CSMD1: variants seen among roughly 807,000 people sequenced by gnomAD.
The protein encoded by CSMD1 is CUB and sushi domain-containing protein 1.
Under a neutral mutation model 417.5 loss-of-function variants are expected in CSMD1, and 213 were observed. That is an observed-to-expected ratio of 0.51 (90% CI 0.46 to 0.57). The LOEUF is 0.57. Among genes scored for constraint, CSMD1 ranks in the 20% least tolerant of loss-of-function variants. The pLI is 0.00. For synonymous variants in CSMD1, 2,862 were observed against 1,736.8 expected (o/e 1.65, Z -16.11); for missense variants, 6,923 against 4,529.7 (o/e 1.53, Z -15.17).
At chr8:3,623,677 G>C (rs1042974741) in intron 7 of CSMD1, among the ~76,000 whole-genome samples, 4 of 152,056 alleles carry the variant, frequency 2.6e-5, no homozygotes, top group African/African-American at 4.8e-5. Flanking sequence ...CCAGAGTTAA[G>C]AATGAGCTGA....
rs1798964556 is a variant in CSMD1, at chr8:3,552,577, T to A, written c.1344+22368A>T. Reference sequence around the variant, plus strand: ...AACATAAGGTGGGGGGCATTGTGGTTATGCAAATATAAGGTATTTTAAGGA... The same window carrying A: ...AACATAAGGTGGGGGGCATTGTGGTAATGCAAATATAAGGTATTTTAAGGA... On this transcript the variant is annotated intron_variant, in intron 10 of 69. Coordinates refer to ENST00000635120, the MANE Select transcript of CSMD1 (RefSeq NM_033225.6). Among the ~76,000 whole-genome samples, 2 of 152,322 alleles carry A rather than the reference T, an allele frequency of 1.3e-5. 1 individual carries two copies. Among genetic ancestry groups the A allele is most frequent in the South Asian group, 4.1e-4 (2 of 4,832 alleles).
intron 3 of CSMD1, among the ~76,000 whole-genome samples, chr8:4,410,954 G>C (rs916407912): frequency 1.1e-4 from 16 of 152,108 alleles, no homozygotes; most frequent in African/African-American, 3.4e-4. Flanking sequence ...GTGGGACTAG[G>C]TTAGTTATTG....
intron 3 of CSMD1, among the ~76,000 whole-genome samples, chr8:4,408,863 C>G (rs554324541): frequency 1.3e-5 from 2 of 152,124 alleles, no homozygotes; most frequent in East Asian, 1.9e-4. Context: ...AATATACTTA[C>G]GTTTAGAAAC....
intron 1 of CSMD1, among the ~76,000 whole-genome samples, chr8:4,656,156 G>A (rs1002218824): frequency 6.6e-6 from 1 of 152,000 alleles, no homozygotes; most frequent in Non-Finnish European, 1.5e-5. Context: ...AAGGATTAAA[G>A]GGAATGAGGG....
intron 3 of CSMD1, among the ~76,000 whole-genome samples, chr8:4,184,607 A>G (rs1351227808): frequency 1.3e-5 from 2 of 152,108 alleles, no homozygotes; most frequent in African/African-American, 2.4e-5. Flanking sequence ...AAACTAACAC[A>G]GGAAAAAAAA....
chr8:3,889,537 A>C (rs1198127205), intron 5 of CSMD1, among the ~76,000 whole-genome samples: 1 of 106,646 alleles, frequency 9.4e-6, no homozygotes, highest in Non-Finnish European at 2.1e-5. Context: ...ATATACATAC[A>C]CACATATGTG....
chr8:4,943,357 G>A (rs182392875), intron 1 of CSMD1, among the ~76,000 whole-genome samples: 17 of 152,000 alleles, frequency 1.1e-4, no homozygotes, highest in South Asian at 4.2e-4. Context: ...TTAGCCGGGC[G>A]TGGTGGTGGA....
At chr8:3,157,516 G>T (rs1285996464) in intron 39 of CSMD1, among the ~76,000 whole-genome samples, 2 of 152,082 alleles carry the variant, frequency 1.3e-5, no homozygotes, top group Non-Finnish European at 2.9e-5. Flanking sequence ...TTCTTCCTGG[G>T]AACTTGTTTT....
chr8:3,624,722 G>A (rs1796410587), intron 7 of CSMD1, among the ~76,000 whole-genome samples: 1 of 152,180 alleles, frequency 6.6e-6, no homozygotes, highest in Non-Finnish European at 1.5e-5. Context: ...TCTAGGATAT[G>A]TGTTTGAGGG....
chr8:3,895,679 T>C (rs1201367284), intron 5 of CSMD1, among the ~76,000 whole-genome samples: 3 of 152,224 alleles, frequency 2.0e-5, no homozygotes, highest in African/African-American at 4.8e-5. Flanking sequence ...ATATTTATAA[T>C]CCAAGTATTT....
At chr8:4,338,664 A>C (rs1800308629) in intron 3 of CSMD1, among the ~76,000 whole-genome samples, 1 of 152,130 alleles carries the variant, frequency 6.6e-6, no homozygotes. Context: ...CTCACGGGTG[A>C]GTCAGAAATA....
intron 3 of CSMD1, among the ~76,000 whole-genome samples, chr8:4,202,716 A>C (rs796974479): frequency 2.0e-5 from 3 of 152,340 alleles, no homozygotes; most frequent in African/African-American, 7.2e-5. Flanking sequence ...TCAAACAAGT[A>C]CTCAAATATT....
At chr8:3,317,262 TTAAAAA>T (rs1328750109) in intron 23 of CSMD1, among the ~76,000 whole-genome samples, 1 of 152,186 alleles carries the variant, frequency 6.6e-6, no homozygotes, top group East Asian at 1.9e-4. Context: ...TATGAAATAA[TTAAAAA>T]TAAACATGCT....
chr8:3,466,952 C>T (rs1224936053), intron 12 of CSMD1, among the ~76,000 whole-genome samples: 1 of 151,996 alleles, frequency 6.6e-6, no homozygotes, highest in Non-Finnish European at 1.5e-5. Context: ...GTTTTAATTA[C>T]CTTTTTGCCT....
At position 4,096,328 on chromosome 8, in the gene CSMD1, CCAGAAATAGGA is replaced by C. The variant is rs540519529; in HGVS notation, c.416-64240_416-64230del. ...CACATTTGTCTGCAGAGGAAACAAC[CCAGAAATAGGA>C]CAGCTTGGATTTCCATATGGGGCTC... is the stretch of plus-strand genomic sequence containing the variant. On this transcript the variant is annotated intron_variant, in intron 3 of 69. Coordinates refer to ENST00000635120, the MANE Select transcript of CSMD1 (RefSeq NM_033225.6). 1.9e-3 allele frequency among the ~76,000 whole-genome samples: 292 copies of C among 152,170 alleles called. 1 individual carries two copies. The highest frequency in any genetic ancestry group is 6.8e-3 in the Middle Eastern group (2 of 292).
At chr8:4,842,786 A>T (rs577515525) in intron 1 of CSMD1, among the ~76,000 whole-genome samples, 1 of 152,366 alleles carries the variant, frequency 6.6e-6, no homozygotes, top group Non-Finnish European at 1.5e-5. Context: ...GTCACATTAC[A>T]CATTAATGGT....
chr8:4,646,211 T>C (rs1050529121), intron 1 of CSMD1, among the ~76,000 whole-genome samples: 1 of 152,176 alleles, frequency 6.6e-6, no homozygotes, highest in African/African-American at 2.4e-5. Context: ...CTATGCATGG[T>C]AGAACTAATC....
At chr8:4,160,166 C>G (rs1359665827) in intron 3 of CSMD1, among the ~76,000 whole-genome samples, 2 of 151,728 alleles carry the variant, frequency 1.3e-5, no homozygotes, top group Non-Finnish European at 2.9e-5. Flanking sequence ...TTATGATTTA[C>G]TGACTAAGAC....
chr8:4,385,111 G>A (rs1210125978), intron 3 of CSMD1, among the ~76,000 whole-genome samples: 1 of 152,236 alleles, frequency 6.6e-6, no homozygotes, highest in Admixed American at 6.5e-5. Flanking sequence ...ATTTTTAGAA[G>A]AGACGGTGTT....
Sources: allele counts gnomAD v4.1 joint callset (sites outside exome capture counted in the v4.1 genomes callset), GRCh38; gene constraint gnomAD v4.1.1; transcripts MANE v1.5; gene names NCBI Gene and HGNC (gene_info 2026-07-23, HGNC 2026-07-21).